Variants in KMT2A observed in about 807,000 individuals in gnomAD.
KMT2A encodes lysine methyltransferase 2A.
Under a neutral mutation model 345.3 loss-of-function variants are expected in KMT2A, and 16 were observed. The ratio of observed to expected loss-of-function variants is 0.05; its 90% CI spans 0.03 to 0.07. The LOEUF (loss-of-function observed/expected upper bound fraction) is 0.07. KMT2A is among the 10% of genes least tolerant of loss of function. The pLI, the probability that KMT2A is intolerant of heterozygous loss-of-function variation, is 1.00. For synonymous variants in KMT2A, 1,599 were observed against 1,778.6 expected (o/e 0.90, Z 2.54); for missense variants, 3,272 against 4,841.6 (o/e 0.68, Z 9.62).
At chr11:118,444,998 T>C in intron 1 of KMT2A, among the ~76,000 whole-genome samples, 1 of 152,228 alleles carries the variant, frequency 6.6e-6, no homozygotes, top group East Asian at 1.9e-4. Context: ...GCATTTTGCC[T>C]GGCACATAGG....
At position 118,476,528 on chromosome 11, in the gene KMT2A, G is replaced by A. The variant is rs1409330679; in HGVS notation, c.3157-277G>A. On this transcript the variant is annotated intron_variant, in intron 3 of 35. Transcript: ENST00000534358. The surrounding 1 kb of genome is among the most constrained non-coding windows in gnomAD (Gnocchi z 4.1). ...AAATTTTGTGTAGAGATGGGTTCTCGCTATGTTGCCCATACTGGTCTTGAA... is the reference window on the plus strand; with the variant it reads ...AAATTTTGTGTAGAGATGGGTTCTCACTATGTTGCCCATACTGGTCTTGAA... Among the ~76,000 whole-genome samples, 6 of 151,980 alleles carry A rather than the reference G, an allele frequency of 3.9e-5. No homozygotes were observed. Among genetic ancestry groups the A allele is most frequent in the African/African-American group, 1.5e-4 (6 of 41,362 alleles).
intron 12 of KMT2A, 22 bp downstream of exon 12, chr11:118,489,909 CTTTTA>C (rs782470448): frequency 1.3e-6 from 2 of 1,590,294 alleles, no homozygotes; most frequent in Non-Finnish European, 1.7e-6. Context: ...ACATGATGCT[CTTTTA>C]TAGAGAACCA....
At position 118,491,648 on chromosome 11, in the gene KMT2A, A is replaced by T. The variant is rs1950325599; in HGVS notation, c.4820-96A>T. Reference sequence around the variant, plus strand: ...TTAAAATCTTAATGTGGTTCCCAACATATGGCTTTATAGTAAGTTCAGTGG... The same window carrying T: ...TTAAAATCTTAATGTGGTTCCCAACTTATGGCTTTATAGTAAGTTCAGTGG... On this transcript the variant is annotated intron_variant, in intron 14 of 35. Transcript: ENST00000534358. The surrounding 1 kb of genome is among the most constrained non-coding windows in gnomAD (Gnocchi z 4.2). 2 of 954,252 alleles carry T rather than the reference A, an allele frequency of 2.1e-6. No individual in the cohort carries two copies. The highest frequency in any genetic ancestry group is 2.6e-5 in the Admixed American group (1 of 39,028). 59.1% of individuals were successfully genotyped at this position (954,252 alleles called of 1,614,324 possible).
intron 31 of KMT2A, among the ~76,000 whole-genome samples, chr11:118,512,754 G>A (rs1331423935): frequency 6.7e-6 from 1 of 150,274 alleles, no homozygotes; most frequent in African/African-American, 2.4e-5. Flanking sequence ...CACCTGCAAT[G>A]CACGAGTGTT....
chr11:118,475,167 T>G (rs1415706380), intron 3 of KMT2A, among the ~76,000 whole-genome samples: 1 of 151,782 alleles, frequency 6.6e-6, no homozygotes, highest in African/African-American at 2.4e-5. Flanking sequence ...ACAAACAGAT[T>G]AGAAGCACTT....
Position 118,502,699 on chromosome 11 carries a change from G to A in KMT2A, c.6807G>A (p.Leu2269=), listed in dbSNP as rs145857563. ...AAAACACTTCCACCTCTTCAAATTTGCAAAGGACAGTGGTTACTGTAGGCA... is the reference window on the plus strand; with the variant it reads ...AAAACACTTCCACCTCTTCAAATTTACAAAGGACAGTGGTTACTGTAGGCA... ...LGQNTSTSSN[L]QRTVVTVGNK... is the part of the protein sequence containing the mutation. Residue 2269 remains leucine (L), a synonymous_variant, in exon 27 of 36, where the codon TTG becomes TTA. Coordinates refer to ENST00000534358, the MANE Select transcript of KMT2A (RefSeq NM_001197104.2). The surrounding 1 kb of genome is among the most constrained non-coding windows in gnomAD (Gnocchi z 4.9). 4 of 1,614,140 alleles carry A rather than the reference G, an allele frequency of 2.5e-6. No individual in the cohort carries two copies. The highest frequency in any genetic ancestry group is 3.4e-6 in the Non-Finnish European group (4 of 1,180,042).
intron 1 of KMT2A, among the ~76,000 whole-genome samples, chr11:118,466,935 T>C (rs1555034217): frequency 6.6e-6 from 1 of 152,088 alleles, no homozygotes; most frequent in Non-Finnish European, 1.5e-5. Flanking sequence ...GGTGCATGTA[T>C]GTAGTCCGAG....
At chr11:118,453,532 T>A (rs1203222345) in intron 1 of KMT2A, among the ~76,000 whole-genome samples, 1 of 152,144 alleles carries the variant, frequency 6.6e-6, no homozygotes, top group African/African-American at 2.4e-5. Flanking sequence ...TACTTTTCAC[T>A]GCCTTCTCTG....
rs770459353 is a variant in KMT2A at position 118,525,969 on chromosome 11, CAAAT to C, written c.*3803_*3806del. On this transcript the variant is annotated 3_prime_UTR_variant, in exon 36 of 36. Coordinates refer to ENST00000534358, the MANE Select transcript of KMT2A (RefSeq NM_001197104.2). ...GCAACTTTTTGTTTGTTTTGGTTTT[CAAAT>C]AAATATAAATATGATATATATAGGA... 8.5e-4 allele frequency: 188 copies of C among 220,880 alleles called. No individual in the cohort carries two copies. The highest frequency in any genetic ancestry group is 1.5e-3 in the Non-Finnish European group (163 of 110,490). 13.7% of individuals were successfully genotyped at this position (220,880 alleles called of 1,614,324 possible).
intron 31 of KMT2A, among the ~76,000 whole-genome samples, chr11:118,516,401 G>A (rs1332662593): frequency 2.0e-5 from 3 of 152,250 alleles, no homozygotes; most frequent in South Asian, 2.1e-4. Flanking sequence ...AGCTTATAGT[G>A]TGCCAAGATC....
chr11:118,521,072 T>C lies in KMT2A; in HGVS notation c.11513+187T>C. On this transcript the variant is annotated intron_variant, in intron 34 of 35. Coordinates refer to ENST00000534358, the MANE Select transcript of KMT2A (RefSeq NM_001197104.2). This position sits in a 1 kb window ranked among gnomAD's most constrained non-coding sequence, Gnocchi z 5.3. ...AACAAGGACTTTAACATAATAAGCA[T>C]TAAAATATTACTGCTTCCAGCGGGT... 1 of 654,654 alleles carries C rather than the reference T, an allele frequency of 1.5e-6. No homozygotes were observed. The highest frequency in any genetic ancestry group is 2.7e-6 in the Non-Finnish European group (1 of 372,592). 40.6% of individuals were successfully genotyped at this position (654,654 alleles called of 1,614,324 possible). A position where few individuals can be genotyped will look rare whatever the true frequency, so the allele number is the denominator to read the frequency against.
At position 118,522,965 on chromosome 11, in the gene KMT2A, C is replaced by G. The variant is rs966532009; in HGVS notation, c.*793C>G. ...TCGGGTTGTAGGGGAGACTGACTGC[C>G]TGCTCAAGGACACTCCCTGCTGGGC... On this transcript the variant is annotated 3_prime_UTR_variant, in exon 36 of 36. Coordinates refer to ENST00000534358, the MANE Select transcript of KMT2A (RefSeq NM_001197104.2). This position sits in a 1 kb window ranked among gnomAD's most constrained non-coding sequence, Gnocchi z 5.4. 8.9e-6 allele frequency: 2 copies of G among 225,360 alleles called. No homozygotes were observed. The highest frequency in any genetic ancestry group is 4.5e-5 in the African/African-American group (2 of 44,788). The allele number at this position is 225,360 out of a possible 1,614,324, so 14.0% of individuals were successfully genotyped here. A position where few individuals can be genotyped will look rare whatever the true frequency, so the allele number is the denominator to read the frequency against.
At position 118,493,072 on chromosome 11, in the gene KMT2A, G is replaced by A; in HGVS notation, c.5020G>A (p.Asp1674Asn). ...CTGGCAATAGGCTGCCAAGCCTCCA[G>A]ACTTAAATCCCGAGACAGAGGAGAG... is the stretch of plus-strand genomic sequence containing the variant. ...LRYRQAAKPP[D>N]LNPETEESIP... Residue 1674 changes from aspartate to asparagine, a missense_variant, in exon 16 of 36, where the codon GAC becomes AAC. Coordinates refer to ENST00000534358, the MANE Select transcript of KMT2A (RefSeq NM_001197104.2). This position sits in a 1 kb window ranked among gnomAD's most constrained non-coding sequence, Gnocchi z 5.8. 6.2e-7 allele frequency: 1 copy of A among 1,613,478 alleles called. No individual in the cohort carries two copies. Among genetic ancestry groups the A allele is most frequent in the Non-Finnish European group, 8.5e-7 (1 of 1,179,624 alleles).
At position 118,506,195 on chromosome 11, in the gene KMT2A, A is replaced by G; in HGVS notation, c.10303A>G (p.Thr3435Ala). The change falls in exon 27 of 36, where the codon ACT (threonine) becomes GCT (alanine). Residue 3435 changes from threonine to alanine, a missense_variant. By Grantham distance (58) the Thr-to-Ala change is moderately conservative. Transcript: ENST00000534358. Reference sequence around the variant, plus strand: ...ATCTAGCATCTGTGTGCTCCCCTCCACTCAGACTACGGGCATAACAGCCGC... The same window carrying G: ...ATCTAGCATCTGTGTGCTCCCCTCCGCTCAGACTACGGGCATAACAGCCGC... The part of the protein sequence containing the change: ...AASSICVLPS[T>A]QTTGITAASP... The G allele has an allele frequency of 6.2e-7, 1 of 1,614,070 alleles. No individual in the cohort carries two copies. Among genetic ancestry groups the G allele is most frequent in the South Asian group, 1.1e-5 (1 of 91,070 alleles).
chr11:118,473,416 C>T lies in KMT2A; in HGVS notation c.2257C>T (p.His753Tyr), dbSNP rs1555036433. 5 of 1,614,100 alleles carry T rather than the reference C, an allele frequency of 3.1e-6. No individual in the cohort carries two copies. The highest frequency in any genetic ancestry group is 4.2e-6 in the Non-Finnish European group (5 of 1,180,030). Residue 753 changes from histidine to tyrosine, a missense_variant, in exon 3 of 36, where the codon CAC becomes TAC. This residue lies in a region of KMT2A where 114 missense variants were observed against 203.2 expected (regional missense o/e 0.56). Coordinates refer to ENST00000534358, the MANE Select transcript of KMT2A (RefSeq NM_001197104.2). The surrounding 1 kb of genome is among the most constrained non-coding windows in gnomAD (Gnocchi z 5.2). ...PIRSEPRSPS[H>Y]SMRTRSGRLS... Reference sequence around the variant, plus strand: ...TCGATCTGAACCAAGATCTCCTTCTCACTCCATGAGGACAAGAAGTGGAAG... The same window carrying T: ...TCGATCTGAACCAAGATCTCCTTCTTACTCCATGAGGACAAGAAGTGGAAG...
Position 118,497,742 on chromosome 11 carries a change from A to G in KMT2A, c.5665-194A>G, listed in dbSNP as rs545067358. On this transcript the variant is annotated intron_variant, in intron 20 of 35. Coordinates refer to ENST00000534358, the MANE Select transcript of KMT2A (RefSeq NM_001197104.2). This position sits in a 1 kb window ranked among gnomAD's most constrained non-coding sequence, Gnocchi z 4.8. ...TTTGTAAAATAGTTTCAGTCTATGG[A>G]AAAAGTAATCTTGAAAAGAAGGAAG... Among the ~76,000 whole-genome samples the G allele has an allele frequency of 6.6e-6, 1 of 152,132 alleles. No individual in the cohort carries two copies. The highest frequency in any genetic ancestry group is 2.1e-4 in the South Asian group (1 of 4,830).
chr11:118,520,418 C>A lies in KMT2A; in HGVS notation c.11429+354C>A. On this transcript the variant is annotated intron_variant, in intron 33 of 35. Transcript: ENST00000534358. The surrounding 1 kb of genome is among the most constrained non-coding windows in gnomAD (Gnocchi z 4.3). ...CTGTAATTCCAGCACTTTGGAAGTC[C>A]GAGGCGGACAGATCATGAGGTCAGG... The A allele has an allele frequency of 3.1e-6, 1 of 323,038 alleles. No homozygotes were observed. Among genetic ancestry groups the A allele is most frequent in the Non-Finnish European group, 5.7e-6 (1 of 175,768 alleles). The allele number at this position is 323,038 out of a possible 1,614,324, so 20.0% of individuals were successfully genotyped here.
chr11:118,487,688 C>T (rs533072595), intron 10 of KMT2A, among the ~76,000 whole-genome samples: 3 of 152,180 alleles, frequency 2.0e-5, no homozygotes, highest in African/African-American at 7.2e-5. Context: ...AAATCAAGGA[C>T]GTTCTCGTAT....
At chr11:118,486,840 A>G (rs1555041024) in intron 10 of KMT2A, among the ~76,000 whole-genome samples, 1 of 152,150 alleles carries the variant, frequency 6.6e-6, no homozygotes, top group South Asian at 2.1e-4. Context: ...GTGAGCCATT[A>G]TCACGCCACT....
Sources: gnomAD v4.1 joint callset for allele counts (sites outside exome capture counted in the v4.1 genomes callset) on GRCh38, gnomAD v4.1.1 for gene constraint, gnomAD v4.1.1 regional missense constraint, Gnocchi (gnomAD v3.1) non-coding constraint, MANE v1.5 for transcripts, NCBI Gene and HGNC (gene_info 2026-07-23, HGNC 2026-07-21) for gene names.